Variants in INTS7 observed in about 807,000 individuals in gnomAD.
INTS7 encodes the protein integrator complex subunit 7.
A neutral mutation model predicts 109.2 loss-of-function variants in INTS7; 46 were observed. The observed-to-expected ratio is 0.42, with a 90% CI of 0.33 to 0.54. INTS7 has a LOEUF of 0.54. Ranked by LOEUF, INTS7 falls within the 20% of genes least tolerant of loss-of-function variation. INTS7 has a pLI of 0.07. For missense variants in INTS7, 929 were observed against 1,132.4 expected, an observed-to-expected ratio of 0.82 and a Z score of 2.58; for synonymous variants, 412 against 402.9, an observed-to-expected ratio of 1.02 and a Z score of -0.27.
At chr1:211,974,271 A>ATTT (rs1226699110) in intron 13 of INTS7, among the ~76,000 whole-genome samples, 1 of 77,748 alleles carries the variant, frequency 1.3e-5, no homozygotes, top group African/African-American at 5.8e-5. Context: ...TTCCCAGAAA[A>ATTT]AAAAAATATA....
chr1:211,985,394 G>C (rs1664851592), intron 8 of INTS7, among the ~76,000 whole-genome samples: 1 of 152,024 alleles, frequency 6.6e-6, no homozygotes, highest in South Asian at 2.1e-4. Context: ...CGGAAATAAA[G>C]ATTTACCATT....
intron 11 of INTS7, among the ~76,000 whole-genome samples, 168 bp downstream of exon 11, chr1:211,978,104 A>G (rs1001851409): frequency 6.6e-6 from 1 of 152,354 alleles, no homozygotes; most frequent in Non-Finnish European, 1.5e-5. Flanking sequence ...AAAGCTCATA[A>G]AGCCAATTCT....
chr1:212,004,750 A>G (rs933906753), intron 7 of INTS7, among the ~76,000 whole-genome samples: 4 of 152,246 alleles, frequency 2.6e-5, no homozygotes, highest in Non-Finnish European at 4.4e-5. Flanking sequence ...AATAGGCAAG[A>G]GACCTGAATA....
intron 7 of INTS7, among the ~76,000 whole-genome samples, chr1:212,000,154 A>C (rs145060957): frequency 9.9e-5 from 15 of 152,178 alleles, no homozygotes; most frequent in African/African-American, 3.6e-4. Flanking sequence ...AGGGATATAA[A>C]CACAAATGTA....
At chr1:212,001,217 G>T (rs762604759) in intron 7 of INTS7, among the ~76,000 whole-genome samples, 1 of 151,980 alleles carries the variant, frequency 6.6e-6, no homozygotes, top group Admixed American at 6.5e-5. Flanking sequence ...ACAGGCATGC[G>T]CCATCACGCC....
rs17018248 is a variant in INTS7, at chr1:211,942,812, C to G, written c.2602-701G>C. On this transcript the variant is annotated intron_variant, in intron 19 of 19. Transcript: ENST00000366994. This position sits in a 1 kb window ranked among gnomAD's most constrained non-coding sequence, Gnocchi z 4.2. ...CAAAGACCAGAATAAAACCTGCTGACGTACTCTTACCTGTACCCAAGATGA... is the reference window on the plus strand; with the variant it reads ...CAAAGACCAGAATAAAACCTGCTGAGGTACTCTTACCTGTACCCAAGATGA... 0.026 allele frequency among the ~76,000 whole-genome samples: 3,929 copies of G among 152,238 alleles called. 57 individuals are homozygous for G. Among genetic ancestry groups the G allele is most frequent in the African/African-American group, 0.045 (1,874 of 41,538 alleles).
chr1:211,959,187 C>T lies in INTS7; in HGVS notation c.2184-6486G>A, dbSNP rs996481491. ...GAGCCCAAAGGGTTTGGTGTGTGAG[C>T]ATCTGTAGTGGAATACGGCCAGGGG... On this transcript the variant is annotated intron_variant, in intron 16 of 19. Coordinates refer to ENST00000366994, the MANE Select transcript of INTS7 (RefSeq NM_015434.4). This position sits in a 1 kb window ranked among gnomAD's most constrained non-coding sequence, Gnocchi z 4.2. 2.0e-5 allele frequency among the ~76,000 whole-genome samples: 3 copies of T among 152,170 alleles called. No homozygotes were observed. The highest frequency in any genetic ancestry group is 1.9e-4 in the East Asian group (1 of 5,198).
intron 4 of INTS7, among the ~76,000 whole-genome samples, chr1:212,014,651 T>C (rs2102480468): frequency 6.7e-6 from 1 of 149,604 alleles, no homozygotes; most frequent in South Asian, 2.2e-4. Flanking sequence ...CCCTGCCTGA[T>C]TCTCCTGCCT....
chr1:212,032,655 T>C (rs1012318331), intron 1 of INTS7, among the ~76,000 whole-genome samples: 2 of 151,964 alleles, frequency 1.3e-5, no homozygotes, highest in Non-Finnish European at 2.9e-5. Flanking sequence ...TTTTTGTATT[T>C]TGTTTAGTAG....
intron 14 of INTS7, 55 bp downstream of exon 14, chr1:211,968,458 A>C: frequency 2.1e-6 from 3 of 1,435,468 alleles, no homozygotes; most frequent in Non-Finnish European, 2.9e-6. Flanking sequence ...TTCATCTTAT[A>C]ACTTCGAAAA....
intron 7 of INTS7, among the ~76,000 whole-genome samples, chr1:211,999,255 G>A (rs1007807180): frequency 1.1e-4 from 17 of 152,228 alleles, no homozygotes; most frequent in African/African-American, 3.9e-4. Flanking sequence ...ATTGTTGTAC[G>A]CCCATGTATC....
intron 1 of INTS7, among the ~76,000 whole-genome samples, chr1:212,024,476 G>A (rs1241628394): frequency 1.3e-5 from 2 of 151,904 alleles, no homozygotes; most frequent in African/African-American, 2.4e-5. Context: ...TCTTAATGCA[G>A]GTAAACATAC....
chr1:212,028,783 A>G (rs1188698712), intron 1 of INTS7, among the ~76,000 whole-genome samples: 2 of 152,236 alleles, frequency 1.3e-5, no homozygotes, highest in Non-Finnish European at 1.5e-5. Flanking sequence ...TGCATGTATT[A>G]AAGTCTCACT....
At chr1:212,008,166 C>T (rs930568793) in intron 5 of INTS7, among the ~76,000 whole-genome samples, 4 of 152,170 alleles carry the variant, frequency 2.6e-5, no homozygotes, top group Non-Finnish European at 2.9e-5. Flanking sequence ...AGCATTTCAA[C>T]GTCCAACAGT....
chr1:212,025,373 G>A (rs1225498562), intron 1 of INTS7, among the ~76,000 whole-genome samples: 2 of 151,932 alleles, frequency 1.3e-5, no homozygotes, highest in African/African-American at 4.8e-5. Context: ...AGTTTTTGGG[G>A]TAAAGGAAAT....
intron 7 of INTS7, among the ~76,000 whole-genome samples, chr1:212,002,718 C>T (rs1290564287): frequency 2.6e-5 from 4 of 152,222 alleles, no homozygotes; most frequent in Non-Finnish European, 1.5e-5. Context: ...CAACCTCCAC[C>T]TTCCATATTC....
intron 1 of INTS7, chr1:212,025,700 AAAAAATTCACT>A (rs2102498139): frequency 6.0e-6 from 1 of 167,780 alleles, no homozygotes; most frequent in South Asian, 1.7e-4. Context: ...GAAAAAAAAA[AAAAAATTCACT>A]AAGAATGAAT....
intron 12 of INTS7, among the ~76,000 whole-genome samples, chr1:211,975,737 A>T (rs1664391612): frequency 6.6e-6 from 1 of 152,188 alleles, no homozygotes; most frequent in South Asian, 2.1e-4. Context: ...CCAGGGGAGA[A>T]GGCATAGTTG....
intron 7 of INTS7, among the ~76,000 whole-genome samples, chr1:211,991,333 C>A (rs1255852335): frequency 3.3e-5 from 5 of 152,166 alleles, no homozygotes; most frequent in Non-Finnish European, 7.3e-5. Flanking sequence ...ACTCTGTGAT[C>A]TGAGCCAATT....
Sources: allele counts gnomAD v4.1 joint callset (sites outside exome capture counted in the v4.1 genomes callset), GRCh38; gene constraint gnomAD v4.1.1; non-coding constraint Gnocchi (gnomAD v3.1); transcripts MANE v1.5; gene names NCBI Gene and HGNC (gene_info 2026-07-23, HGNC 2026-07-21).